Variants in FANCD2OS observed in about 807,000 individuals in gnomAD.
The protein encoded by FANCD2OS is FANCD2 opposite strand protein.
A neutral mutation model predicts 13.2 loss-of-function variants in FANCD2OS; 11 were observed. That is an observed-to-expected ratio of 0.83 (90% CI 0.52 to 1.38). The LOEUF is 1.38. Among genes scored for constraint, FANCD2OS ranks in the 40% most tolerant of loss-of-function variants. The pLI is 0.00. For synonymous variants in FANCD2OS, 69 were observed against 84.5 expected, an observed-to-expected ratio of 0.82 and a Z score of 1.01; for missense variants, 217 against 213.9, an observed-to-expected ratio of 1.01 and a Z score of -0.09.
At chr3:10,106,329 C>A (rs1695493669) in intron 1 of FANCD2OS, among the ~76,000 whole-genome samples, 1 of 152,104 alleles carries the variant, frequency 6.6e-6, no homozygotes, top group South Asian at 2.1e-4. Context: ...GAGGATATTG[C>A]TAACTGAAAA....
At position 10,086,145 on chromosome 3, in the gene FANCD2OS, C is replaced by G. The variant is rs56048825; in HGVS notation, c.*44-4614G>C. Among the ~76,000 whole-genome samples, 112 of 152,314 alleles carry G rather than the reference C, an allele frequency of 7.4e-4. 1 individual carries two copies. In the South Asian group the frequency reaches 0.018, roughly 25 times the overall value. ...CTAAATCTTCATGAATGCATCAGCCCATAAACTCAGCCTTTTCAAGTAATA... is the reference window on the plus strand; with the variant it reads ...CTAAATCTTCATGAATGCATCAGCCGATAAACTCAGCCTTTTCAAGTAATA... On this transcript the variant is annotated intron_variant, in intron 2 of 2. Coordinates refer to the FANCD2OS transcript ENST00000524279.
At chr3:10,090,264 G>A (rs1411332107) in intron 2 of FANCD2OS, 2 of 1,524,442 alleles carry the variant, frequency 1.3e-6, no homozygotes, top group Non-Finnish European at 1.8e-6. Flanking sequence ...ATCATGGTGT[G>A]GGCACGCATG....
chr3:10,095,244 G>T, intron 2 of FANCD2OS: 1 of 1,614,118 alleles, frequency 6.2e-7, no homozygotes, highest in East Asian at 2.2e-5. Context: ...TGGACACAAG[G>T]CTGCTTCATC....
intron 2 of FANCD2OS, chr3:10,081,546 A>G (rs1001530341): frequency 3.0e-6 from 3 of 990,200 alleles, no homozygotes; most frequent in Admixed American, 1.7e-5. Flanking sequence ...AATGTAGAAA[A>G]GAAAGAAAAG....
In FANCD2OS at chr3:10,081,658, T is replaced by A. The variant is rs1029627470; in HGVS notation, c.*44-127A>T. On this transcript the variant is annotated intron_variant, in intron 2 of 2. Transcript: ENST00000524279. ...TACCCTCTGAGTCCTTTGGAGCCAC[T>A]ATGTTAACCCATTTGACAGATTAGG... is the stretch of plus-strand genomic sequence containing the variant. 6.4e-6 allele frequency: 4 copies of A among 621,852 alleles called. No homozygotes were observed. In the African/African-American group the frequency reaches 7.3e-5, roughly 11 times the overall value. The allele number at this position is 621,852 out of a possible 1,614,324, so 38.5% of individuals were successfully genotyped here.
chr3:10,086,061 G>C, intron 2 of FANCD2OS: 1 of 692,746 alleles, frequency 1.4e-6, no homozygotes, highest in Non-Finnish European at 2.7e-6. Context: ...TCATATATGA[G>C]CTTTCTCATC....
rs762915519 is a variant in FANCD2OS, at chr3:10,090,300, T to C, written c.*44-8769A>G. 7 of 1,613,362 alleles carry C rather than the reference T, an allele frequency of 4.3e-6. No individual in the cohort carries two copies. In the East Asian group the frequency reaches 1.1e-4, roughly 26 times the overall value. On this transcript the variant is annotated intron_variant, in intron 2 of 2. Coordinates refer to the FANCD2OS transcript ENST00000524279. Reference sequence around the variant, plus strand: ...CTTTTCCCGTCTTCTAGGCATACTTTTGTTGTTTTCTTCCGTGTGATGATG... The same window carrying C: ...CTTTTCCCGTCTTCTAGGCATACTTCTGTTGTTTTCTTCCGTGTGATGATG...
chr3:10,091,366 C>G (rs1287089755), intron 2 of FANCD2OS, among the ~76,000 whole-genome samples: 1 of 150,814 alleles, frequency 6.6e-6, no homozygotes, highest in Non-Finnish European at 1.5e-5. Context: ...TAGGCATAAA[C>G]CACTGCACCT....
intron 2 of FANCD2OS, among the ~76,000 whole-genome samples, chr3:10,093,878 A>G (rs1211506837): frequency 6.6e-6 from 1 of 152,134 alleles, no homozygotes; most frequent in Non-Finnish European, 1.5e-5. Context: ...CCCTTGCGCA[A>G]TGTGGGAGAT....
chr3:10,105,760 AAAAAAAAAAAAT>A lies in FANCD2OS; in HGVS notation c.-8-990_-8-979del, dbSNP rs1411450290. On this transcript the variant is annotated intron_variant, in intron 1 of 1. Transcript: ENST00000450660. ...AGCAAGACTCCATCTAAAAAAAAAA[AAAAAAAAAAAAT>A]TATATATATATATATATATATATAT... Among the ~76,000 whole-genome samples, 230 of 70,590 alleles carry A rather than the reference AAAAAAAAAAAAT, an allele frequency of 3.3e-3. 6 individuals are homozygous for A. The highest frequency in any genetic ancestry group is 5.4e-3 in the Middle Eastern group (1 of 184). The allele number at this position is 70,590 out of a possible 152,430, so 46.3% of individuals were successfully genotyped here.
rs181268064 is a variant in FANCD2OS, at chr3:10,093,756, G to T, written c.*43+10442C>A. 2.0e-3 allele frequency among the ~76,000 whole-genome samples: 298 copies of T among 152,310 alleles called. 1 individual carries two copies. Among genetic ancestry groups the T allele is most frequent in the Non-Finnish European group, 3.2e-3 (220 of 68,028 alleles). On this transcript the variant is annotated intron_variant, in intron 2 of 2. Transcript: ENST00000524279. ...GTATTAGCCCTAGATTTGATGGGAA[G>T]TCCAGTCAGAATGTTATGGGGAGAA...
rs144788884 is a variant in FANCD2OS at position 10,083,205 on chromosome 3, C to A, written c.*44-1674G>T. 3.0e-3 allele frequency among the ~76,000 whole-genome samples: 445 copies of A among 150,304 alleles called. 4 individuals carry two copies. Among genetic ancestry groups the A allele is most frequent in the African/African-American group, 0.01 (424 of 40,822 alleles). On this transcript the variant is annotated intron_variant, in intron 2 of 2. Coordinates refer to the FANCD2OS transcript ENST00000524279. ...TTGCAACACTGCACTCCAACCTGGG[C>A]AACAGAACCAGACCCCATCTCAAAA...
chr3:10,087,103 G>A, intron 2 of FANCD2OS: 1 of 1,612,830 alleles, frequency 6.2e-7, no homozygotes, highest in Non-Finnish European at 8.5e-7. Flanking sequence ...GGATACTATT[G>A]CATTTGTTTG....
chr3:10,090,278 T>C lies in FANCD2OS; in HGVS notation c.*44-8747A>G. On this transcript the variant is annotated intron_variant, in intron 2 of 2. Transcript: ENST00000524279. ...CATCATGGTGTGGGCACGCATGCTT[T>C]TCCCGTCTTCTAGGCATACTTTTGT... is the stretch of plus-strand genomic sequence containing the variant. The C allele has an allele frequency of 6.2e-7, 1 of 1,603,684 alleles. No individual in the cohort carries two copies. Among genetic ancestry groups the C allele is most frequent in the South Asian group, 1.1e-5 (1 of 90,902 alleles).
At chr3:10,092,329 T>G in intron 2 of FANCD2OS, 2 of 1,080,594 alleles carry the variant, frequency 1.9e-6, no homozygotes, top group South Asian at 1.2e-5. Flanking sequence ...AAATGGACTT[T>G]CCTTGCTCCT....
chr3:10,094,993 AGATT>A, intron 2 of FANCD2OS: 1 of 589,776 alleles, frequency 1.7e-6, no homozygotes. Context: ...TATAACTCTC[AGATT>A]GATACAAGGG....
chr3:10,094,739 C>T (rs1694851961), intron 2 of FANCD2OS: 2 of 320,118 alleles, frequency 6.2e-6, no homozygotes, highest in African/African-American at 2.1e-5. Flanking sequence ...GTCATAAAAC[C>T]CTTTGCTGTG....
intron 2 of FANCD2OS, among the ~76,000 whole-genome samples, chr3:10,085,205 A>G (rs1247772024): frequency 2.6e-5 from 4 of 152,162 alleles, no homozygotes; most frequent in Admixed American, 1.3e-4. Context: ...TTGCCCTTCA[A>G]AGTAAACCTA....
chr3:10,085,328 C>T (rs960415764), intron 2 of FANCD2OS, among the ~76,000 whole-genome samples: 1 of 151,578 alleles, frequency 6.6e-6, no homozygotes, highest in Admixed American at 6.6e-5. Context: ...TACTCTGATA[C>T]TTAGAGCTGT....
Sources: allele counts gnomAD v4.1 joint callset (sites outside exome capture counted in the v4.1 genomes callset), GRCh38; gene constraint gnomAD v4.1.1; transcripts MANE v1.5; gene names NCBI Gene and HGNC (gene_info 2026-07-23, HGNC 2026-07-21).